The following FAM81A variants were observed in gnomAD, a reference collection of about 807,000 sequenced individuals.
FAM81A encodes protein FAM81A.
Under a neutral mutation model 46.7 loss-of-function variants are expected in FAM81A, and 19 were observed. That is an observed-to-expected ratio of 0.41 (90% CI 0.28 to 0.60). FAM81A has a LOEUF of 0.60. Among genes scored for constraint, FAM81A ranks in the 20% least tolerant of loss-of-function variants. FAM81A has a pLI of 0.34. For missense variants in FAM81A, 377 were observed against 453.5 expected, an observed-to-expected ratio of 0.83 and a Z score of 1.53; for synonymous variants, 183 against 152.9, an observed-to-expected ratio of 1.20 and a Z score of -1.45.
intron 3 of FAM81A, among the ~76,000 whole-genome samples, chr15:59,465,864 G>C (rs946747456): frequency 2.0e-5 from 3 of 152,088 alleles, no homozygotes; most frequent in African/African-American, 7.2e-5. Flanking sequence ...TCCGCTGACA[G>C]ACCCCGGTGT....
At chr15:59,433,714 G>C (rs1489746803), upstream of FAM81A, among the ~76,000 whole-genome samples, 1 of 152,156 alleles carries the variant, frequency 6.6e-6, no homozygotes, top group African/African-American at 2.4e-5. Flanking sequence ...ATAAAGAACA[G>C]CCATAAAGAG....
At chr15:59,420,152 A>C (rs1329670908) in intron 2 of FAM81A, among the ~76,000 whole-genome samples, 2 of 152,184 alleles carry the variant, frequency 1.3e-5, no homozygotes, top group Admixed American at 1.3e-4. Context: ...GCAGGGCAAA[A>C]ATGTTCCTGC....
At chr15:59,482,445 T>A (rs1009573899) in intron 3 of FAM81A, among the ~76,000 whole-genome samples, 4 of 152,152 alleles carry the variant, frequency 2.6e-5, no homozygotes, top group Admixed American at 2.0e-4. Context: ...ATTTTTGTAT[T>A]TTTAGTAGAG....
intron 6 of FAM81A, among the ~76,000 whole-genome samples, chr15:59,509,442 G>T (rs565012240): frequency 6.6e-6 from 1 of 152,298 alleles, no homozygotes; most frequent in Admixed American, 6.5e-5. Context: ...TACCTTATAT[G>T]GCAAAAGGGG....
rs762360568 is a variant in FAM81A, at chr15:59,492,395, T to C, written c.413+6T>C. On this transcript the variant is annotated splice_donor_region_variant and intron_variant, in intron 4 of 8. Coordinates refer to ENST00000288228, the MANE Select transcript of FAM81A (RefSeq NM_152450.3). The stretch of plus-strand genomic sequence containing the variant: ...CTTCGAGGAAGAGTGGCAAGGTAGG[T>C]GTTCAAATGTTGGGGTCTCTGCTCA... 47 of 1,608,332 alleles carry C rather than the reference T, an allele frequency of 2.9e-5. No individual in the cohort carries two copies. Among genetic ancestry groups the C allele is most frequent in the Non-Finnish European group, 3.9e-5 (46 of 1,176,200 alleles).
At chr15:59,502,264 G>A (rs1453523315) in intron 4 of FAM81A, among the ~76,000 whole-genome samples, 1 of 150,856 alleles carries the variant, frequency 6.6e-6, no homozygotes, top group Non-Finnish European at 1.5e-5. Context: ...CATGTGCCAT[G>A]CTGGTGTGCT....
intron 1 of FAM81A, chr15:59,445,259 G>A (rs576400560): frequency 2.0e-5 from 3 of 152,348 alleles, no homozygotes; most frequent in African/African-American, 4.8e-5. Flanking sequence ...CTACAGAAGT[G>A]CAGGCAAGAC....
At chr15:59,398,996 C>T (rs140204460) in intron 1 of FAM81A, among the ~76,000 whole-genome samples, 158 of 151,976 alleles carry the variant, frequency 1.0e-3, no homozygotes, top group African/African-American at 2.5e-3. Flanking sequence ...GGTGAAACCC[C>T]GTCTCTACTA....
intron 4 of FAM81A, among the ~76,000 whole-genome samples, chr15:59,494,688 T>G (rs2082015901): frequency 6.6e-6 from 1 of 152,202 alleles, no homozygotes; most frequent in Non-Finnish European, 1.5e-5. Flanking sequence ...TGAATTCATG[T>G]GAAATAAAAA....
intron 3 of FAM81A, among the ~76,000 whole-genome samples, chr15:59,475,525 C>T (rs538158234): frequency 4.2e-4 from 64 of 152,314 alleles, no homozygotes; most frequent in African/African-American, 8.2e-4. Context: ...GTTTTCCCAA[C>T]GTCCGAAACA....
intron 4 of FAM81A, among the ~76,000 whole-genome samples, chr15:59,492,690 A>G (rs2081994127): frequency 6.6e-6 from 1 of 152,168 alleles, no homozygotes; most frequent in South Asian, 2.1e-4. Context: ...CGAAAATATA[A>G]AGTTGAGATA....
chr15:59,493,380 T>C (rs950166858), intron 4 of FAM81A, among the ~76,000 whole-genome samples: 1 of 152,162 alleles, frequency 6.6e-6, no homozygotes, highest in African/African-American at 2.4e-5. Flanking sequence ...CCTTCTGTGA[T>C]TTTCTGTCCT....
At chr15:59,498,250 A>G (rs2141779886) in intron 4 of FAM81A, among the ~76,000 whole-genome samples, 1 of 152,288 alleles carries the variant, frequency 6.6e-6, no homozygotes, top group East Asian at 1.9e-4. Flanking sequence ...AAAAGTATAA[A>G]TTTCACACTT....
chr15:59,516,829 A>G lies in FAM81A; in HGVS notation c.971A>G (p.Glu324Gly), dbSNP rs2082272925. The G allele has an allele frequency of 3.7e-6, 6 of 1,600,482 alleles. No homozygotes were observed. Among genetic ancestry groups the G allele is most frequent in the Non-Finnish European group, 5.1e-6 (6 of 1,175,542 alleles). Residue 324 changes from glutamate to glycine, a missense_variant, in exon 8 of 9, where the codon GAA (glutamate) becomes GGA (glycine). Transcript: ENST00000288228. ...MNQNIKEMKA[E>G]VNAGFTAVYE... ...CAGAACATCAAGGAAATGAAAGCAGAAGTTAATGCTGGTAGGCCAAAACCA... is the reference window on the plus strand; with the variant it reads ...CAGAACATCAAGGAAATGAAAGCAGGAGTTAATGCTGGTAGGCCAAAACCA...
At chr15:59,431,413 T>G (rs2081219274) in intron 2 of FAM81A, among the ~76,000 whole-genome samples, 1 of 152,162 alleles carries the variant, frequency 6.6e-6, no homozygotes, top group African/African-American at 2.4e-5. Flanking sequence ...TTTTGTATTT[T>G]TAGTAGAGTT....
At chr15:59,487,557 A>G (rs1019221961) in intron 3 of FAM81A, among the ~76,000 whole-genome samples, 9 of 152,044 alleles carry the variant, frequency 5.9e-5, no homozygotes, top group Non-Finnish European at 2.9e-5. Context: ...ATAAAATCAG[A>G]GATGAAAAAG....
At chr15:59,404,566 TC>T (rs1485927705) in intron 2 of FAM81A, among the ~76,000 whole-genome samples, 2 of 152,038 alleles carry the variant, frequency 1.3e-5, no homozygotes, top group African/African-American at 4.8e-5. Context: ...GCTCAAGCCG[TC>T]CTCCTACCTC....
intron 1 of FAM81A, chr15:59,443,841 T>G (rs1446568258): frequency 1.3e-5 from 2 of 152,248 alleles, no homozygotes; most frequent in Non-Finnish European, 2.9e-5. Context: ...CACACTGGCC[T>G]CAATCGACTG....
intron 3 of FAM81A, among the ~76,000 whole-genome samples, chr15:59,482,658 C>G (rs1429289490): frequency 6.6e-6 from 1 of 152,224 alleles, no homozygotes; most frequent in Non-Finnish European, 1.5e-5. Flanking sequence ...GCATGCGTAA[C>G]AAGCCATCTG....
Sources: allele counts gnomAD v4.1 joint callset (sites outside exome capture counted in the v4.1 genomes callset), GRCh38; gene constraint gnomAD v4.1.1; transcripts MANE v1.5; gene names NCBI Gene and HGNC (gene_info 2026-07-23, HGNC 2026-07-21).